The following TRDMT1 variants were observed in gnomAD, a reference collection of about 807,000 sequenced individuals.
The protein encoded by TRDMT1 is tRNA aspartic acid methyltransferase 1.
A neutral mutation model predicts 51.2 loss-of-function variants in TRDMT1; 49 were observed. The observed-to-expected ratio is 0.96, with a 90% CI of 0.76 to 1.21. TRDMT1 has a LOEUF of 1.21. Among genes scored for constraint, TRDMT1 ranks in the 50% most tolerant of loss-of-function variants. The pLI is 0.00. For missense variants in TRDMT1, 534 were observed against 462.3 expected, an observed-to-expected ratio of 1.16 and a Z score of -1.42; for synonymous variants, 187 against 164.6, an observed-to-expected ratio of 1.14 and a Z score of -1.04.
Position 17,162,216 on chromosome 10 carries a change from C to T in TRDMT1, c.273G>A (p.Met91Ile), listed in dbSNP as rs146113029. Residue 91 changes from methionine to isoleucine, a missense_variant, in exon 4 of 11, where the codon ATG becomes ATA. Coordinates refer to ENST00000377799, the MANE Select transcript of TRDMT1 (RefSeq NM_004412.7). ...PFTRIGRQGDMTDSRTNSFLH... is the reference protein window; with the variant it reads ...PFTRIGRQGDITDSRTNSFLH... ...AGAAGCTATTCGTCCTTGAATCAGTCATATCACCCTGCCGGCCAATCCTAA... is the reference window on the plus strand; with the variant it reads ...AGAAGCTATTCGTCCTTGAATCAGTTATATCACCCTGCCGGCCAATCCTAA... 5.6e-6 allele frequency: 9 copies of T among 1,597,688 alleles called. No individual in the cohort carries two copies. In the African/African-American group the frequency reaches 7.0e-5, roughly 12 times the overall value.
At chr10:17,199,558 T>C (rs1267608709) in intron 1 of TRDMT1, among the ~76,000 whole-genome samples, 2 of 152,202 alleles carry the variant, frequency 1.3e-5, no homozygotes, top group African/African-American at 4.8e-5. Flanking sequence ...GCTTTGGGTG[T>C]TGACGGTGAA....
intron 9 of TRDMT1, among the ~76,000 whole-genome samples, 180 bp downstream of exon 9, chr10:17,154,497 C>T (rs948379008): frequency 3.3e-5 from 5 of 151,586 alleles, no homozygotes; most frequent in African/African-American, 1.2e-4. Context: ...TCATGTAGAG[C>T]AACAAGAAAA....
At chr10:17,180,992 TTCTAGTTATACTATC>T (rs1843216750) in intron 1 of TRDMT1, among the ~76,000 whole-genome samples, 1 of 152,204 alleles carries the variant, frequency 6.6e-6, no homozygotes, top group Non-Finnish European at 1.5e-5. Flanking sequence ...AAAATATGAT[TTCTAGTTATACTATC>T]TCTACAAAAA....
At chr10:17,152,058 T>G (rs1170258824) in intron 10 of TRDMT1, 47 of 1,301,744 alleles carry the variant, frequency 3.6e-5, no homozygotes, top group Non-Finnish European at 4.6e-5. Flanking sequence ...AATTGAATAG[T>G]TAATCTCTTT....
At chr10:17,159,354 A>C (rs1418732527) in intron 6 of TRDMT1, 125 bp from the exon 7 acceptor site, 45 of 561,726 alleles carry the variant, frequency 8.0e-5, no homozygotes, top group Non-Finnish European at 1.6e-5. Flanking sequence ...CTACCACAGC[A>C]AAATTTGCTA....
chr10:17,191,342 C>T (rs966314137), intron 1 of TRDMT1, among the ~76,000 whole-genome samples: 1 of 152,176 alleles, frequency 6.6e-6, no homozygotes, highest in Non-Finnish European at 1.5e-5. Flanking sequence ...TGAAAACAAA[C>T]TTGCAATGCC....
chr10:17,172,612 A>T (rs904522680), intron 2 of TRDMT1, among the ~76,000 whole-genome samples: 3 of 152,236 alleles, frequency 2.0e-5, no homozygotes, highest in African/African-American at 7.2e-5. Flanking sequence ...AACAAGAGAC[A>T]CTAAAGAAGG....
In TRDMT1 at chr10:17,145,071, G is replaced by GA. The variant is rs1837983542; in HGVS notation, c.*3968dup. On this transcript the variant is annotated 3_prime_UTR_variant, in exon 11 of 11. Coordinates refer to ENST00000377799, the MANE Select transcript of TRDMT1 (RefSeq NM_004412.7). Reference sequence around the variant, plus strand: ...TCGAGACCAGCCTGGCCAACATGGTGAAACCCGATCTCTACTAATACAAAA... The same window carrying GA: ...TCGAGACCAGCCTGGCCAACATGGTGAAAACCCGATCTCTACTAATACAAAA... 2 of 722,624 alleles carry GA rather than the reference G, an allele frequency of 2.8e-6. No homozygotes were observed. The allele number at this position is 722,624 out of a possible 1,614,324, so 44.8% of individuals were successfully genotyped here. A position where few individuals can be genotyped will look rare whatever the true frequency, so the allele number is the denominator to read the frequency against.
At chr10:17,192,012 G>A (rs1327944872) in intron 1 of TRDMT1, among the ~76,000 whole-genome samples, 1 of 152,122 alleles carries the variant, frequency 6.6e-6, no homozygotes, top group Non-Finnish European at 1.5e-5. Flanking sequence ...CATTAGTCAG[G>A]GTGTGACACT....
intron 10 of TRDMT1, chr10:17,153,175 A>G: frequency 2.4e-6 from 1 of 421,708 alleles, no homozygotes; most frequent in Non-Finnish European, 4.2e-6. Flanking sequence ...TGATTAGGAG[A>G]GGACCTCTGG....
chr10:17,193,129 T>C (rs61841817), intron 1 of TRDMT1, among the ~76,000 whole-genome samples: 20,878 of 152,060 alleles, frequency 0.14, 1,496 homozygotes, highest in Admixed American at 0.17. Context: ...TTTGGGAGGT[T>C]GGGGTGGGCT....
rs1039835422 is a variant in TRDMT1, at chr10:17,138,277, A to G, written c.*10763T>C. ...TAGTCATTAATGGAAACATTTGTGAATATAACGATCTTTTAACCTTCATGA... is the reference window on the plus strand; with the variant it reads ...TAGTCATTAATGGAAACATTTGTGAGTATAACGATCTTTTAACCTTCATGA... On this transcript the variant is annotated 3_prime_UTR_variant, in exon 11 of 11. Transcript: ENST00000377799. 6.6e-6 allele frequency among the ~76,000 whole-genome samples: 1 copy of G among 152,222 alleles called. No homozygotes were observed. The highest frequency in any genetic ancestry group is 1.5e-5 in the Non-Finnish European group (1 of 68,044).
intron 10 of TRDMT1, chr10:17,152,097 C>T (rs1277196734): frequency 1.5e-6 from 2 of 1,294,720 alleles, no homozygotes; most frequent in African/African-American, 1.5e-5. Context: ...TCTGATTGCT[C>T]ATCTGAAAAA....
chr10:17,168,868 A>C lies in TRDMT1; in HGVS notation c.224T>G (p.Met75Arg), dbSNP rs765366681. The C allele has an allele frequency of 3.7e-6, 6 of 1,612,840 alleles. No homozygotes were observed. The highest frequency in any genetic ancestry group is 2.5e-6 in the Non-Finnish European group (3 of 1,179,108). ...FDRLSFDMIL[M>R]SPPCQPFTRI... Reference sequence around the variant, plus strand: ...TGTGAATGGCTGGCAGGGAGGGCTCATTAAAATCATATCAAAAGATAATCT... The same window carrying C: ...TGTGAATGGCTGGCAGGGAGGGCTCCTTAAAATCATATCAAAAGATAATCT... The change falls in exon 3 of 11, where the codon ATG becomes AGG. Residue 75 changes from methionine (M) to arginine (R), a missense_variant. Met to Arg is a moderately conservative substitution (Grantham distance 91, BLOSUM62 -1). Transcript: ENST00000377799.
rs56394211 is a variant in TRDMT1, at chr10:17,144,448, C to A, written c.*4592G>T. 3.1e-4 allele frequency: 306 copies of A among 985,298 alleles called. No individual in the cohort carries two copies. The highest frequency in any genetic ancestry group is 1.2e-3 in the South Asian group (26 of 21,274). 61.0% of individuals were successfully genotyped at this position (985,298 alleles called of 1,614,324 possible). A position where few individuals can be genotyped will look rare whatever the true frequency, so the allele number is the denominator to read the frequency against. On this transcript the variant is annotated 3_prime_UTR_variant, in exon 11 of 11. Coordinates refer to ENST00000377799, the MANE Select transcript of TRDMT1 (RefSeq NM_004412.7). ...ATCTTGTAATTTTTGTGAAAATTTC[C>A]GGTCTCATATTTATAGGAAAAATGA... is the stretch of plus-strand genomic sequence containing the variant.
Position 17,143,405 on chromosome 10 carries a change from A to G in TRDMT1, c.*5635T>C. On this transcript the variant is annotated 3_prime_UTR_variant, in exon 11 of 11. Transcript: ENST00000377799. ...CAGCTATTCAGCTTATTGTCTACTC[A>G]TTCATAGGATCAGCTCTTAAATATG... 1.0e-6 allele frequency: 1 copy of G among 985,476 alleles called. No homozygotes were observed. The highest frequency in any genetic ancestry group is 1.2e-6 in the Non-Finnish European group (1 of 829,936). 61.0% of individuals were successfully genotyped at this position (985,476 alleles called of 1,614,324 possible). A position where few individuals can be genotyped will look rare whatever the true frequency, so the allele number is the denominator to read the frequency against.
Position 17,139,869 on chromosome 10 carries a change from C to T in TRDMT1, c.*9171G>A, listed in dbSNP as rs1294240459. 2.6e-5 allele frequency among the ~76,000 whole-genome samples: 4 copies of T among 151,956 alleles called. No individual in the cohort carries two copies. Among genetic ancestry groups the T allele is most frequent in the African/African-American group, 7.3e-5 (3 of 41,332 alleles). On this transcript the variant is annotated 3_prime_UTR_variant, in exon 11 of 11. Coordinates refer to ENST00000377799, the MANE Select transcript of TRDMT1 (RefSeq NM_004412.7). ...ATTCTAAGATCTATAAAAAACAACA[C>T]CTTTGTATGCTTTCTTTATAGTGAC...
At chr10:17,153,216 T>A in intron 10 of TRDMT1, 2 of 458,028 alleles carry the variant, frequency 4.4e-6, no homozygotes, top group Non-Finnish European at 7.7e-6. Flanking sequence ...GGGGATGCTA[T>A]GCACAGCCAT....
At chr10:17,176,260 G>A (rs1280292454) in intron 1 of TRDMT1, among the ~76,000 whole-genome samples, 3 of 152,158 alleles carry the variant, frequency 2.0e-5, no homozygotes, top group Non-Finnish European at 2.9e-5. Flanking sequence ...TCAGCATGAT[G>A]TAGCCTGCTT....
Sources: gnomAD v4.1 joint callset for allele counts (sites outside exome capture counted in the v4.1 genomes callset) on GRCh38, gnomAD v4.1.1 for gene constraint, MANE v1.5 for transcripts, NCBI Gene and HGNC (gene_info 2026-07-23, HGNC 2026-07-21) for gene names.